Variants in STEAP2 observed in about 807,000 individuals in gnomAD.
STEAP2 encodes metalloreductase STEAP2.
A neutral mutation model predicts 46.4 loss-of-function variants in STEAP2; 30 were observed. That is an observed-to-expected ratio of 0.65 (90% CI 0.48 to 0.88). The LOEUF (loss-of-function observed/expected upper bound fraction) is 0.88, where lower values mean the gene tolerates loss of function less well. Among genes scored for constraint, STEAP2 ranks in the 40% least tolerant of loss-of-function variants. The pLI, the probability that STEAP2 is intolerant of heterozygous loss-of-function variation, is 0.00. For synonymous variants in STEAP2, 180 were observed against 200.5 expected, an observed-to-expected ratio of 0.90 and a Z score of 0.86; for missense variants, 513 against 579.3, an observed-to-expected ratio of 0.89 and a Z score of 1.18.
At chr7:90,240,567 T>C (rs1366498162), downstream of STEAP2, among the ~76,000 whole-genome samples, 1 of 152,148 alleles carries the variant, frequency 6.6e-6, no homozygotes, top group East Asian at 1.9e-4. The surrounding 1 kb of genome is among the most constrained non-coding windows in gnomAD (Gnocchi z 4.1). Flanking sequence ...GAAATAATTA[T>C]AATTTTACTA....
At chr7:90,224,979 T>C in intron 2 of STEAP2, 71 bp from the exon 3 acceptor site, 2 of 1,330,628 alleles carry the variant, frequency 1.5e-6, no homozygotes, top group Middle Eastern at 3.9e-4. Flanking sequence ...AGACAGGACA[T>C]TACAATGTCT....
chr7:90,227,523 C>T, intron 4 of STEAP2, 25 bp downstream of exon 4: 4 of 1,502,504 alleles, frequency 2.7e-6, no homozygotes, highest in Non-Finnish European at 3.6e-6. Flanking sequence ...TGTTATTTAT[C>T]TGATGCTAGT....
At chr7:90,220,700 C>T (rs1005915778) in intron 2 of STEAP2, among the ~76,000 whole-genome samples, 2 of 151,964 alleles carry the variant, frequency 1.3e-5, no homozygotes, top group African/African-American at 2.4e-5. Flanking sequence ...TTTCTAGTTC[C>T]TTGAGGTACA....
chr7:90,212,124 T>C (rs1360708678), intron 1 of STEAP2, 79 bp downstream of exon 1: 3 of 152,406 alleles, frequency 2.0e-5, no homozygotes, highest in African/African-American at 7.2e-5. Flanking sequence ...CGCCACGCGC[T>C]GCATCCATCC....
chr7:90,235,252 TG>T lies in STEAP2; in HGVS notation c.*2630del, dbSNP rs1795922214. 1.0e-6 allele frequency: 1 copy of T among 983,536 alleles called. No individual in the cohort carries two copies. Among genetic ancestry groups the T allele is most frequent in the Non-Finnish European group, 1.2e-6 (1 of 828,264 alleles). 60.9% of individuals were successfully genotyped at this position (983,536 alleles called of 1,614,324 possible). On this transcript the variant is annotated 3_prime_UTR_variant, in exon 6 of 6. Transcript: ENST00000394621. ...TAAAAGATGCATCTGTTGTTTCAAA[TG>T]GCACTATCTTCTTTTCAGTACTACA... is the stretch of plus-strand genomic sequence containing the variant.
chr7:90,240,774 A>G (rs2116427971), downstream of STEAP2, among the ~76,000 whole-genome samples: 1 of 152,358 alleles, frequency 6.6e-6, no homozygotes, highest in Non-Finnish European at 1.5e-5. The surrounding 1 kb of genome is among the most constrained non-coding windows in gnomAD (Gnocchi z 4.1). Context: ...GCAATTTGTA[A>G]CTTAACAGAG....
chr7:90,240,248 C>G (rs910246123), downstream of STEAP2, among the ~76,000 whole-genome samples: 3 of 150,870 alleles, frequency 2.0e-5, no homozygotes, highest in African/African-American at 7.3e-5. This position sits in a 1 kb window ranked among gnomAD's most constrained non-coding sequence, Gnocchi z 4.1. Context: ...GCCACTGCAC[C>G]CCAGCCTGGG....
chr7:90,239,312 G>T (rs1334739152), downstream of STEAP2, among the ~76,000 whole-genome samples: 2 of 152,164 alleles, frequency 1.3e-5, no homozygotes, highest in Non-Finnish European at 2.9e-5. Flanking sequence ...AAGGAGAGAT[G>T]CCTCGAGATG....
chr7:90,233,698 T>C lies in STEAP2; in HGVS notation c.*1074T>C. 2 of 945,940 alleles carry C rather than the reference T, an allele frequency of 2.1e-6. No individual in the cohort carries two copies. Among genetic ancestry groups the C allele is most frequent in the Non-Finnish European group, 2.5e-6 (2 of 794,306 alleles). 58.6% of individuals were successfully genotyped at this position (945,940 alleles called of 1,614,324 possible). A position where few individuals can be genotyped will look rare whatever the true frequency, so the allele number is the denominator to read the frequency against. The stretch of plus-strand genomic sequence containing the variant: ...TTTCAAAGGTCTTGCAGTTAATAAA[T>C]GGCAGAGTGAGCATTCAAGTCCAGG... On this transcript the variant is annotated 3_prime_UTR_variant, in exon 6 of 6. Coordinates refer to ENST00000394621, the MANE Select transcript of STEAP2 (RefSeq NM_001244944.2).
In STEAP2 at chr7:90,236,551, C is replaced by T; in HGVS notation, c.*3927C>T. ...GCCCTAAATGAAACTGTAATAATTT[C>T]AGTGGAAACTCAATCTGTTTTTACC... On this transcript the variant is annotated 3_prime_UTR_variant, in exon 6 of 6. Coordinates refer to ENST00000394621, the MANE Select transcript of STEAP2 (RefSeq NM_001244944.2). 9.6e-7 allele frequency: 1 copy of T among 1,038,892 alleles called. No homozygotes were observed. The highest frequency in any genetic ancestry group is 1.2e-6 in the Non-Finnish European group (1 of 863,812). 64.4% of individuals were successfully genotyped at this position (1,038,892 alleles called of 1,614,324 possible). A position where few individuals can be genotyped will look rare whatever the true frequency, so the allele number is the denominator to read the frequency against.
intron 1 of STEAP2, among the ~76,000 whole-genome samples, chr7:90,214,051 A>T (rs1005315051): frequency 6.6e-6 from 1 of 152,186 alleles, no homozygotes; most frequent in East Asian, 1.9e-4. Context: ...GACGATTTAC[A>T]TTTTAAGATG....
Position 90,225,144 on chromosome 7 carries a change from G to T in STEAP2, c.62G>T (p.Gly21Val). 6.2e-7 allele frequency: 1 copy of T among 1,613,854 alleles called. No individual in the cohort carries two copies. The highest frequency in any genetic ancestry group is 8.5e-7 in the Non-Finnish European group (1 of 1,179,882). Residue 21 changes from glycine to valine, a missense_variant, in exon 3 of 6, where the codon GGC becomes GTC. Physicochemically the swap from Gly to Val is moderately radical, Grantham distance 109. Coordinates refer to ENST00000394621, the MANE Select transcript of STEAP2 (RefSeq NM_001244944.2). The part of the protein sequence containing the change: ...KSLSETFLPN[G>V]INGIKDARKV... Reference sequence around the variant, plus strand: ...CTTAGTGAAACTTTTTTACCTAATGGCATAAATGGTATCAAAGATGCAAGG... The same window carrying T: ...CTTAGTGAAACTTTTTTACCTAATGTCATAAATGGTATCAAAGATGCAAGG...
intron 1 of STEAP2, among the ~76,000 whole-genome samples, chr7:90,212,887 A>C (rs1408631884): frequency 7.9e-6 from 1 of 126,074 alleles, no homozygotes; most frequent in Non-Finnish European, 1.6e-5. Context: ...CGCTGCTTGG[A>C]ACCCTTTTTG....
downstream of STEAP2, among the ~76,000 whole-genome samples, chr7:90,241,850 A>G (rs1017531034): frequency 4.7e-4 from 71 of 152,208 alleles, 1 homozygote; most frequent in Non-Finnish European, 8.8e-5. Context: ...CCAACACAGC[A>G]AAGGATGTAA....
At chr7:90,226,169 A>G (rs571466386) in intron 3 of STEAP2, among the ~76,000 whole-genome samples, 1 of 152,284 alleles carries the variant, frequency 6.6e-6, no homozygotes, top group South Asian at 2.1e-4. Context: ...TAGAACCAGG[A>G]CCTGTGAGAC....
intron 1 of STEAP2, among the ~76,000 whole-genome samples, chr7:90,212,724 C>T (rs1318158810): frequency 6.6e-6 from 1 of 152,096 alleles, no homozygotes; most frequent in Non-Finnish European, 1.5e-5. Context: ...TCAGTTTTTA[C>T]TCCTCGGGCA....
At chr7:90,228,411 A>AAAAC (rs67179118) in intron 4 of STEAP2, among the ~76,000 whole-genome samples, 24,852 of 151,782 alleles carry the variant, frequency 0.16, 2,154 homozygotes, top group Middle Eastern at 0.2. Flanking sequence ...CCCTGAAAAA[A>AAAAC]AACTTCTCTT....
At chr7:90,220,160 G>A (rs1584230799) in intron 2 of STEAP2, among the ~76,000 whole-genome samples, 1 of 152,310 alleles carries the variant, frequency 6.6e-6, no homozygotes, top group East Asian at 1.9e-4. Context: ...AATGAGTTAG[G>A]CAGAATTCCC....
At position 90,233,972 on chromosome 7, in the gene STEAP2, T is replaced by C; in HGVS notation, c.*1348T>C. On this transcript the variant is annotated 3_prime_UTR_variant, in exon 6 of 6. Transcript: ENST00000394621. ...CTTGGAACATGAGCCTGGAGACCCA[T>C]GGCAGTCCATATGCCTCCCTATGCA... 1 of 985,404 alleles carries C rather than the reference T, an allele frequency of 1.0e-6. No homozygotes were observed. Among genetic ancestry groups the C allele is most frequent in the Non-Finnish European group, 1.2e-6 (1 of 829,930 alleles). The allele number at this position is 985,404 out of a possible 1,614,324, so 61.0% of individuals were successfully genotyped here.
Sources: gnomAD v4.1 joint callset for allele counts (sites outside exome capture counted in the v4.1 genomes callset) on GRCh38, gnomAD v4.1.1 for gene constraint, Gnocchi (gnomAD v3.1) non-coding constraint, MANE v1.5 for transcripts, NCBI Gene and HGNC (gene_info 2026-07-23, HGNC 2026-07-21) for gene names.